The following ZNF385B variants were observed in gnomAD, a reference collection of about 807,000 sequenced individuals.
ZNF385B encodes zinc finger protein 385B, also known as zinc finger protein 533.
ZNF385B carries 23 observed loss-of-function variants against 39.2 expected under a neutral mutation model. That is an observed-to-expected ratio of 0.59 (90% confidence interval 0.42 to 0.83). The LOEUF (loss-of-function observed/expected upper bound fraction) is 0.83, where lower values mean the gene tolerates loss of function less well. Among genes scored for constraint, ZNF385B ranks in the 40% least tolerant of loss-of-function variants. The pLI is 0.00. For missense variants in ZNF385B, 552 were observed against 598.9 expected (o/e 0.92, Z 0.82); for synonymous variants, 205 against 222.6 (o/e 0.92, Z 0.70).
At chr2:179,681,467 T>C (rs1198602129) in intron 3 of ZNF385B, among the ~76,000 whole-genome samples, 2 of 152,160 alleles carry the variant, frequency 1.3e-5, no homozygotes, top group Non-Finnish European at 2.9e-5. Context: ...ATAAGAAGTA[T>C]GAAAGAAAAA....
chr2:179,760,223 C>CGTGCGTGCGTGTGTGT (rs1553525684), intron 3 of ZNF385B, among the ~76,000 whole-genome samples: 6 of 144,476 alleles, frequency 4.2e-5, no homozygotes, highest in African/African-American at 1.5e-4. Flanking sequence ...TTCCTGTGTG[C>CGTGCGTGCGTGTGTGT]GTGTGTGTGT....
intron 1 of ZNF385B, among the ~76,000 whole-genome samples, chr2:179,813,722 T>G (rs1283944843): frequency 6.6e-6 from 1 of 152,160 alleles, no homozygotes; most frequent in African/African-American, 2.4e-5. Context: ...AAAATCTCTT[T>G]AAAGTTAAGA....
intron 6 of ZNF385B, among the ~76,000 whole-genome samples, chr2:179,469,516 G>C (rs1307272706): frequency 2.0e-5 from 3 of 152,036 alleles, no homozygotes; most frequent in Admixed American, 6.6e-5. Flanking sequence ...GGCAAACCAC[G>C]AAGGGACTAC....
intron 3 of ZNF385B, among the ~76,000 whole-genome samples, chr2:179,683,316 G>GGAGGTGGAGGTTTCAGT (rs1201084791): frequency 2.0e-5 from 3 of 151,928 alleles, no homozygotes; most frequent in Non-Finnish European, 4.4e-5. Context: ...CTTGAACCTG[G>GGAGGTGGAGGTTTCAGT]GAGGTGGAGG....
intron 3 of ZNF385B, among the ~76,000 whole-genome samples, chr2:179,706,465 T>C (rs16866934): frequency 0.2 from 30,035 of 151,900 alleles, 3,549 homozygotes; most frequent in East Asian, 0.5. Context: ...AAGAAAATCC[T>C]ATGAGCATCA....
intron 3 of ZNF385B, among the ~76,000 whole-genome samples, chr2:179,618,452 A>G (rs1287393851): frequency 1.3e-5 from 2 of 152,078 alleles, no homozygotes; most frequent in African/African-American, 4.8e-5. Context: ...ATTTCCTCCA[A>G]AATGTCTAGA....
At chr2:179,592,833 G>A (rs1015873930) in intron 3 of ZNF385B, among the ~76,000 whole-genome samples, 5 of 151,972 alleles carry the variant, frequency 3.3e-5, no homozygotes, top group African/African-American at 1.2e-4. Flanking sequence ...ATTTCTCTGT[G>A]TCTTTTTTGT....
intron 3 of ZNF385B, among the ~76,000 whole-genome samples, chr2:179,566,504 A>T (rs532669613): frequency 6.6e-6 from 1 of 152,358 alleles, no homozygotes; most frequent in African/African-American, 2.4e-5. Context: ...ATTTTAAGAC[A>T]AACTCAGAAA....
At chr2:179,611,379 C>A (rs997635930) in intron 3 of ZNF385B, among the ~76,000 whole-genome samples, 1 of 151,060 alleles carries the variant, frequency 6.6e-6, no homozygotes, top group African/African-American at 2.4e-5. Context: ...ATCCTTGAAT[C>A]CCTGGGATAA....
rs2060446059 is a variant in ZNF385B at position 179,549,640 on chromosome 2, T to C, written c.299-4671A>G. On this transcript the variant is annotated intron_variant, in intron 3 of 9. Transcript: ENST00000410066. ...CTATTTCAATGATCCTTTTTGGTAA[T>C]GAATTTTCTTAATAAACTCTGCATC... 4.0e-5 allele frequency among the ~76,000 whole-genome samples: 6 copies of C among 149,788 alleles called. 2 individuals carry two copies. The highest frequency in any genetic ancestry group is 1.5e-5 in the Non-Finnish European group (1 of 67,698).
At chr2:179,696,464 T>G (rs1275032563) in intron 3 of ZNF385B, among the ~76,000 whole-genome samples, 1 of 151,464 alleles carries the variant, frequency 6.6e-6, no homozygotes, top group African/African-American at 2.4e-5. Flanking sequence ...CCTGATCAGT[T>G]CTAATAGCTA....
rs369634114 is a variant in ZNF385B, at chr2:179,740,966, T to C, written c.298+28537A>G. On this transcript the variant is annotated intron_variant, in intron 3 of 9. Transcript: ENST00000410066. ...AACAGGAATTTGTCCACTAGGGCAA[T>C]AGACACTGAAAAATGAACTAGATTA... Among the ~76,000 whole-genome samples, 13 of 152,226 alleles carry C rather than the reference T, an allele frequency of 8.5e-5. No individual in the cohort carries two copies. In the East Asian group the frequency reaches 1.2e-3, roughly 14 times the overall value.
At chr2:179,846,390 C>T (rs1490815269) in intron 1 of ZNF385B, among the ~76,000 whole-genome samples, 1 of 152,212 alleles carries the variant, frequency 6.6e-6, no homozygotes, top group Non-Finnish European at 1.5e-5. Flanking sequence ...TTTGCCGACA[C>T]AAGGTGGTGA....
chr2:179,766,663 A>G (rs1210511417), intron 3 of ZNF385B, among the ~76,000 whole-genome samples: 2 of 152,008 alleles, frequency 1.3e-5, no homozygotes, highest in African/African-American at 4.8e-5. Context: ...TATCAGTCAT[A>G]TTGGATTACA....
chr2:179,652,773 TAA>T (rs1693312627), intron 3 of ZNF385B, among the ~76,000 whole-genome samples: 1 of 150,164 alleles, frequency 6.7e-6, no homozygotes. Flanking sequence ...CAACGATACA[TAA>T]TAGAGTACTA....
At chr2:179,451,201 GTAAC>G (rs1453555676) in intron 6 of ZNF385B, among the ~76,000 whole-genome samples, 1 of 149,886 alleles carries the variant, frequency 6.7e-6, no homozygotes, top group Non-Finnish European at 1.5e-5. Flanking sequence ...GTATACATAT[GTAAC>G]TAACCTGCAC....
chr2:179,759,052 G>C (rs1227529856), intron 3 of ZNF385B, among the ~76,000 whole-genome samples: 2 of 152,148 alleles, frequency 1.3e-5, no homozygotes, highest in Non-Finnish European at 2.9e-5. Context: ...TTGAGATTTT[G>C]AGCATTCTCT....
intron 3 of ZNF385B, among the ~76,000 whole-genome samples, chr2:179,612,792 C>T (rs906545549): frequency 1.3e-5 from 2 of 152,098 alleles, no homozygotes; most frequent in Admixed American, 1.3e-4. Flanking sequence ...GGCGGCAAAG[C>T]CAGCCAGGCT....
intron 6 of ZNF385B, among the ~76,000 whole-genome samples, chr2:179,471,810 G>C (rs1428882372): frequency 6.6e-6 from 1 of 152,140 alleles, no homozygotes; most frequent in African/African-American, 2.4e-5. Context: ...CCAGCCACAG[G>C]CATCCATGGC....
Sources: gnomAD v4.1 joint callset for allele counts (sites outside exome capture counted in the v4.1 genomes callset) on GRCh38, gnomAD v4.1.1 for gene constraint, MANE v1.5 for transcripts, NCBI Gene and HGNC (gene_info 2026-07-23, HGNC 2026-07-21) for gene names.